The following DNM3 variants were observed in gnomAD, a reference collection of about 807,000 sequenced individuals.
DNM3 encodes the protein dynamin 3, also known as dynamin-3.
In DNM3, 47 loss-of-function variants were observed where a neutral mutation model predicts 101.6. The ratio of observed to expected loss-of-function variants is 0.46; its 90% confidence interval spans 0.37 to 0.59. The LOEUF (loss-of-function observed/expected upper bound fraction) is 0.59, where lower values mean the gene tolerates loss of function less well. DNM3 is among the 20% of genes least tolerant of loss of function. The pLI is 0.00. For synonymous variants in DNM3, 385 were observed against 387.9 expected (o/e 0.99, Z 0.09); for missense variants, 849 against 1,085.7 (o/e 0.78, Z 3.06).
chr1:172,100,859 C>A (rs1291563758), intron 13 of DNM3, among the ~76,000 whole-genome samples: 2 of 152,138 alleles, frequency 1.3e-5, no homozygotes, highest in Admixed American at 6.5e-5. Context: ...AGATGACTGT[C>A]ATCAGTCTCC....
chr1:171,926,087 C>A (rs1352059201), intron 2 of DNM3, among the ~76,000 whole-genome samples: 1 of 152,116 alleles, frequency 6.6e-6, no homozygotes, highest in Non-Finnish European at 1.5e-5. Context: ...AAGTACCATG[C>A]TGTTTTGGTT....
intron 7 of DNM3, among the ~76,000 whole-genome samples, chr1:172,040,573 A>G (rs12029618): frequency 2.0e-5 from 3 of 152,060 alleles, no homozygotes; most frequent in East Asian, 1.9e-4. Context: ...AAATCTCCCA[A>G]TTATGTTGAG....
chr1:172,138,721 C>T (rs2057396246), intron 14 of DNM3: 1 of 293,672 alleles, frequency 3.4e-6, no homozygotes, highest in South Asian at 3.1e-5. Flanking sequence ...GCCCCCGAGC[C>T]CCTCATTTTG....
rs74966126 is a variant in DNM3 at position 172,100,835 on chromosome 1, C to G, written c.1545+7960C>G. 5.8e-3 allele frequency among the ~76,000 whole-genome samples: 889 copies of G among 152,180 alleles called. 9 individuals are homozygous for G. Among genetic ancestry groups the G allele is most frequent in the African/African-American group, 0.02 (841 of 41,508 alleles). On this transcript the variant is annotated intron_variant, in intron 13 of 20. Transcript: ENST00000627582. ...TCTTTTGCTGTGGTTCTGTTCTTGC[C>G]CCAACGGACTGCAAGATGACTGTCA... is the stretch of plus-strand genomic sequence containing the variant.
intron 9 of DNM3, among the ~76,000 whole-genome samples, chr1:172,048,151 A>G (rs1187335481): frequency 6.6e-6 from 1 of 152,176 alleles, no homozygotes; most frequent in Non-Finnish European, 1.5e-5. Context: ...TGAAATATTA[A>G]AATTAATTCA....
In DNM3 at chr1:172,068,922, C is replaced by A; in HGVS notation, c.1422+17C>A. The A allele has an allele frequency of 6.4e-7, 1 of 1,552,896 alleles. No individual in the cohort carries two copies. On this transcript the variant is annotated intron_variant, in intron 11 of 20. Coordinates refer to ENST00000627582, the MANE Select transcript of DNM3 (RefSeq NM_015569.5). Reference sequence around the variant, plus strand: ...AAGGACCAGGTAAAGAGAGGTCTTCCCTGGTGGGCAGGGAGATTGTGGGAG... The same window carrying A: ...AAGGACCAGGTAAAGAGAGGTCTTCACTGGTGGGCAGGGAGATTGTGGGAG...
intron 2 of DNM3, among the ~76,000 whole-genome samples, chr1:171,978,327 G>T (rs1327040735): frequency 1.3e-5 from 2 of 152,214 alleles, no homozygotes. Context: ...CTAAAGAGAT[G>T]ATATTTTGGA....
chr1:172,049,870 A>G (rs554595979), intron 10 of DNM3, among the ~76,000 whole-genome samples: 2 of 152,276 alleles, frequency 1.3e-5, no homozygotes, highest in East Asian at 3.9e-4. Context: ...TAAAGAACAG[A>G]TGTACATAGT....
rs370615412 is a variant in DNM3, at chr1:172,293,313, TAC to T, written c.1770-15413_1770-15412del. 2.9e-3 allele frequency among the ~76,000 whole-genome samples: 447 copies of T among 152,366 alleles called. 5 individuals are homozygous for T. Among genetic ancestry groups the T allele is most frequent in the African/African-American group, 9.9e-3 (412 of 41,592 alleles). On this transcript the variant is annotated intron_variant, in intron 15 of 20. Transcript: ENST00000627582. ...ATGAAATGTTAATGAAAGTTACACA[TAC>T]AGTCAAAACATGGTCTCATCATGAG...
intron 18 of DNM3, chr1:172,381,016 T>C (rs992283620): frequency 6.8e-6 from 1 of 146,426 alleles, no homozygotes; most frequent in Non-Finnish European, 1.5e-5. Context: ...CTATTGCAAA[T>C]CTATCCTACT....
chr1:172,339,704 C>T lies in DNM3; in HGVS notation c.1893+16364C>T, dbSNP rs563099642. 1.8e-3 allele frequency among the ~76,000 whole-genome samples: 272 copies of T among 152,274 alleles called. 1 individual carries two copies. The highest frequency in any genetic ancestry group is 6.0e-3 in the African/African-American group (250 of 41,556). ...TCTTTCATATATCCTCCCTGCTTGT[C>T]CTGCCTGTTGGAGTTTGATGTCATT... On this transcript the variant is annotated intron_variant, in intron 17 of 20. Coordinates refer to ENST00000627582, the MANE Select transcript of DNM3 (RefSeq NM_015569.5).
intron 15 of DNM3, among the ~76,000 whole-genome samples, chr1:172,282,550 C>T (rs1004644663): frequency 2.0e-5 from 3 of 152,210 alleles, no homozygotes; most frequent in Admixed American, 1.3e-4. Context: ...TTATAGAAAC[C>T]TAAAGCCCTC....
At chr1:172,045,752 T>C (rs1319864190) in intron 9 of DNM3, among the ~76,000 whole-genome samples, 1 of 152,190 alleles carries the variant, frequency 6.6e-6, no homozygotes, top group Non-Finnish European at 1.5e-5. Flanking sequence ...GCCTAGTACA[T>C]AGATTGCCTC....
chr1:172,238,544 G>A (rs1456526992), intron 14 of DNM3, among the ~76,000 whole-genome samples: 13 of 152,082 alleles, frequency 8.5e-5, no homozygotes, highest in Non-Finnish European at 1.5e-5. Context: ...AAAGCCTAGG[G>A]GAATGAGACA....
chr1:172,029,744 C>T (rs541909074), intron 4 of DNM3, among the ~76,000 whole-genome samples: 5 of 152,178 alleles, frequency 3.3e-5, no homozygotes, highest in Non-Finnish European at 7.4e-5. Flanking sequence ...AAATCACAAG[C>T]ATTCCTATAC....
intron 2 of DNM3, among the ~76,000 whole-genome samples, chr1:171,949,595 T>C (rs1301608485): frequency 6.6e-6 from 1 of 151,990 alleles, no homozygotes; most frequent in Non-Finnish European, 1.5e-5. Context: ...TTTTTTTTTT[T>C]TGTAGAGACA....
chr1:172,163,763 A>G (rs1264395240), intron 14 of DNM3, among the ~76,000 whole-genome samples: 1 of 151,844 alleles, frequency 6.6e-6, no homozygotes, highest in Non-Finnish European at 1.5e-5. Context: ...GGTTTATTTC[A>G]CTTAGCATGA....
intron 2 of DNM3, among the ~76,000 whole-genome samples, chr1:171,925,251 A>G (rs57282067): frequency 0.047 from 7,046 of 149,046 alleles, 523 homozygotes; most frequent in African/African-American, 0.16. Flanking sequence ...TTTTTGAGAC[A>G]GAGTCTTGCT....
intron 10 of DNM3, among the ~76,000 whole-genome samples, chr1:172,068,497 C>T (rs756065302): frequency 3.9e-4 from 60 of 152,162 alleles, no homozygotes; most frequent in Admixed American, 8.5e-4. Flanking sequence ...TCCTGTTTTC[C>T]GACTTCTTCA....
Sources: gnomAD v4.1 joint callset for allele counts (sites outside exome capture counted in the v4.1 genomes callset) on GRCh38, gnomAD v4.1.1 for gene constraint, MANE v1.5 for transcripts, NCBI Gene and HGNC (gene_info 2026-07-23, HGNC 2026-07-21) for gene names.